The following OR3A2 variants were observed in gnomAD, a reference collection of about 807,000 sequenced individuals.
The protein encoded by OR3A2 is olfactory receptor family 3 subfamily A member 2.
For synonymous variants in OR3A2, 126 were observed against 159.3 expected (o/e 0.79, Z 1.57); for missense variants, 318 against 392.8 (o/e 0.81, Z 1.61).
chr17:3,290,254 A>T (rs1390260766), intron 3 of OR3A2, among the ~76,000 whole-genome samples: 1 of 152,138 alleles, frequency 6.6e-6, no homozygotes, highest in Non-Finnish European at 1.5e-5. Context: ...TGTGTGACCC[A>T]CTTATTTTAT....
chr17:3,331,396 T>G (rs2049232284), intron 3 of OR3A2, among the ~76,000 whole-genome samples: 1 of 152,098 alleles, frequency 6.6e-6, no homozygotes, highest in African/African-American at 2.4e-5. Flanking sequence ...CCATATTTCT[T>G]GGAGGCTTTG....
chr17:3,330,807 T>C lies in OR3A2; in HGVS notation c.-85+5226A>G, dbSNP rs536513391. ...TAGTTGATGCAGTTTCTTCCTATTC[T>C]CGATGGTCTTTAAATTTTGGCATGA... On this transcript the variant is annotated intron_variant, in intron 3 of 4. Coordinates refer to the OR3A2 transcript ENST00000573491. Among the ~76,000 whole-genome samples, 73 of 152,262 alleles carry C rather than the reference T, an allele frequency of 4.8e-4. No homozygotes were observed. In the South Asian group the frequency reaches 0.015, roughly 31 times the overall value.
intron 1 of OR3A2, among the ~76,000 whole-genome samples, chr17:3,279,787 CAAACAAAACAAAACA>C (rs376334892): frequency 4.6e-5 from 7 of 151,962 alleles, no homozygotes; most frequent in Admixed American, 3.3e-4. Flanking sequence ...GGCTCCATCT[CAAACAAAACAAAACA>C]AAACAAAACA....
chr17:3,278,428 C>G (rs757098733), exon 2 of OR3A2: 1 of 1,614,204 alleles, frequency 6.2e-7, no homozygotes, highest in Non-Finnish European at 8.5e-7. Context: ...GACATGGCCA[C>G]AGTGTGGGTC....
intron 2 of OR3A2, among the ~76,000 whole-genome samples, chr17:3,373,802 T>A (rs901970977): frequency 6.6e-6 from 1 of 152,248 alleles, no homozygotes; most frequent in Non-Finnish European, 1.5e-5. Context: ...TCAATGTTAA[T>A]ACTGAGATGT....
chr17:3,385,431 TGGATAGATGATAGAGGA>T (rs2049769239), intron 1 of OR3A2, among the ~76,000 whole-genome samples: 1 of 152,120 alleles, frequency 6.6e-6, no homozygotes, highest in African/African-American at 2.4e-5. Context: ...CAAAGACAGA[TGGATAGATGATAGAGGA>T]GGATAGATAG....
chr17:3,342,053 A>T (rs2049323427), intron 2 of OR3A2, among the ~76,000 whole-genome samples: 1 of 152,214 alleles, frequency 6.6e-6, no homozygotes, highest in South Asian at 2.1e-4. Context: ...CACTTGATCA[A>T]ATCGGCTACT....
chr17:3,386,286 C>G, exon 1 of OR3A2: 2 of 398,670 alleles, frequency 5.0e-6, no homozygotes, highest in East Asian at 7.1e-5. Flanking sequence ...CGGCCATGTC[C>G]TACGACCGCC....
chr17:3,368,132 T>A (rs1010638271), intron 2 of OR3A2, among the ~76,000 whole-genome samples: 1 of 152,238 alleles, frequency 6.6e-6, no homozygotes, highest in Non-Finnish European at 1.5e-5. Context: ...TTCTGGATAT[T>A]AGTGCTTTAT....
In OR3A2 at chr17:3,386,106, G is replaced by A. The variant is rs2049774520; in HGVS notation, c.-275+19C>T. ...CCGACGGGGCCCTCCGCTCCCCCATGTATTACTTCTTGGGTCACCTGAGCC... is the reference window on the plus strand; with the variant it reads ...CCGACGGGGCCCTCCGCTCCCCCATATATTACTTCTTGGGTCACCTGAGCC... On this transcript the variant is annotated intron_variant, in intron 1 of 4. Coordinates refer to the OR3A2 transcript ENST00000573491. 1 of 398,682 alleles carries A rather than the reference G, an allele frequency of 2.5e-6. No homozygotes were observed. The allele number at this position is 398,682 out of a possible 1,614,324, so 24.7% of individuals were successfully genotyped here. A position where few individuals can be genotyped will look rare whatever the true frequency, so the allele number is the denominator to read the frequency against.
At chr17:3,336,001 C>G (rs745814904) in intron 3 of OR3A2, 28 bp downstream of exon 2, 1 of 152,302 alleles carries the variant, frequency 6.6e-6, no homozygotes, top group African/African-American at 2.4e-5. Flanking sequence ...CACGCAACTC[C>G]TTTCATAACT....
intron 2 of OR3A2, among the ~76,000 whole-genome samples, chr17:3,381,118 A>G (rs1314595641): frequency 6.6e-6 from 1 of 151,692 alleles, no homozygotes; most frequent in South Asian, 2.1e-4. Context: ...ATGTGCCCAT[A>G]TATTCATATA....
upstream of OR3A2, among the ~76,000 whole-genome samples, chr17:3,287,509 A>G (rs900962265): frequency 2.6e-5 from 4 of 152,182 alleles, no homozygotes; most frequent in Non-Finnish European, 5.9e-5. Context: ...GGTAATTATA[A>G]CAGCCATTTA....
intron 2 of OR3A2, among the ~76,000 whole-genome samples, chr17:3,373,570 C>G (rs2150666041): frequency 6.6e-6 from 1 of 152,148 alleles, no homozygotes; most frequent in Admixed American, 6.5e-5. Flanking sequence ...TTTTTAACTG[C>G]TGTTGCTTTA....
chr17:3,280,621 C>T (rs2048771418), intron 1 of OR3A2, among the ~76,000 whole-genome samples: 1 of 152,160 alleles, frequency 6.6e-6, no homozygotes, highest in African/African-American at 2.4e-5. Context: ...ATCAATGTCT[C>T]TATTGCCCAT....
At chr17:3,371,728 A>G (rs172986) in intron 2 of OR3A2, among the ~76,000 whole-genome samples, 50,294 of 109,606 alleles carry the variant, frequency 0.46, 10,705 homozygotes, top group Admixed American at 0.55. Context: ...CGGACGGGGC[A>G]GCTGGCCGGG....
chr17:3,345,560 C>G (rs1028331867), intron 2 of OR3A2, among the ~76,000 whole-genome samples: 1 of 151,882 alleles, frequency 6.6e-6, no homozygotes, highest in African/African-American at 2.4e-5. Flanking sequence ...TAAAAAGAAA[C>G]AATATCACAA....
At chr17:3,332,071 T>G (rs1012910175) in intron 3 of OR3A2, among the ~76,000 whole-genome samples, 1 of 152,144 alleles carries the variant, frequency 6.6e-6, no homozygotes, top group African/African-American at 2.4e-5. Context: ...AGTCTGCCCA[T>G]TCTCAGATCT....
chr17:3,293,333 A>C (rs558218223), intron 3 of OR3A2, among the ~76,000 whole-genome samples: 4 of 152,278 alleles, frequency 2.6e-5, no homozygotes, highest in Non-Finnish European at 5.9e-5. Flanking sequence ...CTATAGATAA[A>C]GCATAAAACT....
Sources: allele counts gnomAD v4.1 joint callset (sites outside exome capture counted in the v4.1 genomes callset), GRCh38; gene constraint gnomAD v4.1.1; transcripts MANE v1.5; gene names NCBI Gene and HGNC (gene_info 2026-07-23, HGNC 2026-07-21).